The following ADGRB3 variants were observed in gnomAD, a reference collection of about 807,000 sequenced individuals.
The protein encoded by ADGRB3 is adhesion G protein-coupled receptor B3, also known as brain-specific angiogenesis inhibitor 3.
A neutral mutation model predicts 193.4 loss-of-function variants in ADGRB3; 37 were observed. The ratio of observed to expected loss-of-function variants is 0.19; its 90% confidence interval spans 0.15 to 0.25. The LOEUF (loss-of-function observed/expected upper bound fraction) is 0.25. Among genes scored for constraint, ADGRB3 ranks in the 10% least tolerant of loss-of-function variants. The pLI, the probability that ADGRB3 is intolerant of heterozygous loss-of-function variation, is 1.00. For missense variants in ADGRB3, 1,637 were observed against 1,852.9 expected (o/e 0.88, Z 2.14); for synonymous variants, 690 against 644.2 (o/e 1.07, Z -1.08).
intron 11 of ADGRB3, among the ~76,000 whole-genome samples, chr6:69,007,689 TCTCTCACACACACA>T (rs1399381609): frequency 0.012 from 1,409 of 118,640 alleles, 25 homozygotes; most frequent in African/African-American, 0.041. Context: ...TCTCTCTCTC[TCTCTCACACACACA>T]CACACACACA....
At chr6:68,985,308 C>A (rs186920561) in intron 10 of ADGRB3, among the ~76,000 whole-genome samples, 3 of 152,116 alleles carry the variant, frequency 2.0e-5, no homozygotes, top group Non-Finnish European at 4.4e-5. Context: ...GAAAAGTGCT[C>A]TTTGTGATTC....
chr6:68,975,694 A>T (rs182926663), intron 10 of ADGRB3, among the ~76,000 whole-genome samples: 55 of 152,358 alleles, frequency 3.6e-4, no homozygotes, highest in African/African-American at 1.2e-3. Context: ...CATACATTTT[A>T]AAATTAAATT....
intron 13 of ADGRB3, among the ~76,000 whole-genome samples, chr6:69,029,581 G>A (rs1312634503): frequency 6.6e-6 from 1 of 152,134 alleles, no homozygotes; most frequent in African/African-American, 2.4e-5. Flanking sequence ...AGCAGCATTG[G>A]GAAAATCAAT....
intron 8 of ADGRB3, among the ~76,000 whole-genome samples, chr6:68,959,892 A>G (rs751723047): frequency 1.1e-4 from 16 of 152,188 alleles, no homozygotes; most frequent in Non-Finnish European, 1.9e-4. Context: ...CTCATTGTGT[A>G]TCCTCAGGCT....
intron 3 of ADGRB3, among the ~76,000 whole-genome samples, chr6:68,673,308 T>C (rs1472500385): frequency 6.6e-6 from 1 of 152,114 alleles, no homozygotes; most frequent in Non-Finnish European, 1.5e-5. Flanking sequence ...TTACTACTAG[T>C]TATTTACTTC....
At chr6:68,779,939 TC>T (rs1392424215) in intron 3 of ADGRB3, among the ~76,000 whole-genome samples, 1 of 152,124 alleles carries the variant, frequency 6.6e-6, no homozygotes, top group African/African-American at 2.4e-5. Flanking sequence ...CAGAGAAGTT[TC>T]CCTAAGAGTG....
intron 17 of ADGRB3, among the ~76,000 whole-genome samples, chr6:69,124,013 A>T (rs1425569586): frequency 1.3e-5 from 2 of 152,158 alleles, no homozygotes; most frequent in Non-Finnish European, 2.9e-5. Flanking sequence ...CTGAAAATAC[A>T]CTTGTAGGAT....
intron 3 of ADGRB3, among the ~76,000 whole-genome samples, chr6:68,823,917 C>A (rs1411124346): frequency 6.7e-6 from 1 of 148,508 alleles, no homozygotes; most frequent in Admixed American, 6.7e-5. Flanking sequence ...TTAAGTATTC[C>A]ATTCCGTTAT....
chr6:68,773,395 A>G lies in ADGRB3; in HGVS notation c.757+133963A>G, dbSNP rs146478196. Among the ~76,000 whole-genome samples, 742 of 152,268 alleles carry G rather than the reference A, an allele frequency of 4.9e-3. 13 individuals carry two copies. Among genetic ancestry groups the G allele is most frequent in the African/African-American group, 0.017 (714 of 41,564 alleles). Reference sequence around the variant, plus strand: ...AAGAGCCCCAACTATCTGAATGAAGAGACATCAGTAAAACTAGTAAGAACT... The same window carrying G: ...AAGAGCCCCAACTATCTGAATGAAGGGACATCAGTAAAACTAGTAAGAACT... On this transcript the variant is annotated intron_variant, in intron 3 of 31. Coordinates refer to ENST00000370598, the MANE Select transcript of ADGRB3 (RefSeq NM_001704.3).
chr6:69,192,080 G>A (rs1765200074), intron 17 of ADGRB3, among the ~76,000 whole-genome samples: 1 of 152,126 alleles, frequency 6.6e-6, no homozygotes, highest in South Asian at 2.1e-4. Context: ...GAACTAATAG[G>A]ATGGAAGTAT....
chr6:68,811,895 T>G (rs9454625), intron 3 of ADGRB3, among the ~76,000 whole-genome samples: 38,309 of 152,034 alleles, frequency 0.25, 5,861 homozygotes, highest in Non-Finnish European at 0.35. Flanking sequence ...ATACACACAA[T>G]TAATACATTT....
chr6:69,380,556 G>A (rs1769925702), intron 30 of ADGRB3, among the ~76,000 whole-genome samples: 1 of 151,848 alleles, frequency 6.6e-6, no homozygotes, highest in African/African-American at 2.4e-5. Context: ...GCTAGAAATT[G>A]TCTGAATCCT....
intron 3 of ADGRB3, among the ~76,000 whole-genome samples, chr6:68,690,357 A>G (rs1022764276): frequency 7.9e-5 from 12 of 152,118 alleles, no homozygotes; most frequent in Non-Finnish European, 2.9e-5. Context: ...GGAAACACAG[A>G]CTAAAATATA....
chr6:69,075,873 C>T (rs3757050), intron 16 of ADGRB3, 122 bp from the exon 17 acceptor site: 1 of 704,316 alleles, frequency 1.4e-6, no homozygotes, highest in Non-Finnish European at 2.3e-6. Context: ...AAAAAGAAAT[C>T]ATTAAAGTAT....
At chr6:69,264,643 A>G (rs1767002581) in intron 20 of ADGRB3, among the ~76,000 whole-genome samples, 1 of 151,778 alleles carries the variant, frequency 6.6e-6, no homozygotes, top group African/African-American at 2.4e-5. Flanking sequence ...AGGTCTTCTC[A>G]GAAATATACC....
chr6:69,069,159 G>A (rs1771997325), intron 16 of ADGRB3, among the ~76,000 whole-genome samples: 1 of 151,950 alleles, frequency 6.6e-6, no homozygotes, highest in South Asian at 2.1e-4. Context: ...CTAAAATATG[G>A]AACAGTACTT....
intron 3 of ADGRB3, among the ~76,000 whole-genome samples, chr6:68,726,743 A>G (rs1269162440): frequency 1.3e-5 from 2 of 151,640 alleles, no homozygotes; most frequent in African/African-American, 2.4e-5. Context: ...TCTTTTTGTT[A>G]GACTTGCTGT....
chr6:69,074,047 A>G lies in ADGRB3; in HGVS notation c.2437-1948A>G, dbSNP rs1472725630. ...CTCAAAACTTCGGAGGTTTATTTTC[A>G]ATTTATGACTAAATTTCCATCCAGA... On this transcript the variant is annotated intron_variant, in intron 16 of 31. Coordinates refer to ENST00000370598, the MANE Select transcript of ADGRB3 (RefSeq NM_001704.3). Among the ~76,000 whole-genome samples, 4 of 152,262 alleles carry G rather than the reference A, an allele frequency of 2.6e-5. No individual in the cohort carries two copies. In the South Asian group the frequency reaches 8.3e-4, roughly 32 times the overall value.
At chr6:69,167,838 G>T (rs531322765) in intron 17 of ADGRB3, among the ~76,000 whole-genome samples, 2 of 152,226 alleles carry the variant, frequency 1.3e-5, no homozygotes, top group South Asian at 4.1e-4. Context: ...GCCCTTAGTT[G>T]CTAGTGTAGG....
Sources: allele counts gnomAD v4.1 joint callset (sites outside exome capture counted in the v4.1 genomes callset), GRCh38; gene constraint gnomAD v4.1.1; transcripts MANE v1.5; gene names NCBI Gene and HGNC (gene_info 2026-07-23, HGNC 2026-07-21).